Variants in COP1 observed in about 807,000 individuals in gnomAD.
COP1 encodes COP1 E3 ubiquitin ligase, also known as E3 ubiquitin-protein ligase COP1.
In COP1, 24 loss-of-function variants were observed where a neutral mutation model predicts 101.3. The ratio of observed to expected loss-of-function variants is 0.24; its 90% CI spans 0.17 to 0.33. The LOEUF (loss-of-function observed/expected upper bound fraction) is 0.33, where lower values mean the gene tolerates loss of function less well. COP1 is among the 10% of genes least tolerant of loss of function. COP1 has a pLI of 1.00. For synonymous variants in COP1, 347 were observed against 341.9 expected, an observed-to-expected ratio of 1.01 and a Z score of -0.17; for missense variants, 663 against 906.2, an observed-to-expected ratio of 0.73 and a Z score of 3.45.
intron 1 of COP1, among the ~76,000 whole-genome samples, chr1:176,187,491 C>G (rs1698620418): frequency 6.6e-6 from 1 of 152,084 alleles, no homozygotes; most frequent in African/African-American, 2.4e-5. Context: ...TGGAGCGATT[C>G]TCCCACTCTG....
chr1:176,110,431 T>C (rs1046832794), intron 9 of COP1, among the ~76,000 whole-genome samples: 3 of 152,220 alleles, frequency 2.0e-5, no homozygotes, highest in African/African-American at 7.2e-5. Context: ...AGGGATTATT[T>C]ACTTCTTGTT....
At chr1:176,171,052 C>A (rs1488774550) in intron 3 of COP1, among the ~76,000 whole-genome samples, 1 of 132,250 alleles carries the variant, frequency 7.6e-6, no homozygotes, top group Non-Finnish European at 1.5e-5. Flanking sequence ...ATGATCCCAG[C>A]AGGTGGAGCT....
intron 8 of COP1, among the ~76,000 whole-genome samples, chr1:176,124,427 A>T (rs1687689583): frequency 8.2e-6 from 1 of 122,234 alleles, no homozygotes; most frequent in Non-Finnish European, 1.6e-5. Context: ...GCCCCGTACT[A>T]CCCCTTTCCC....
At chr1:176,097,269 C>T (rs995777230) in intron 9 of COP1, among the ~76,000 whole-genome samples, 1 of 151,796 alleles carries the variant, frequency 6.6e-6, no homozygotes, top group Admixed American at 6.6e-5. Context: ...TTTTCCTTGC[C>T]ACTCTCAATG....
intron 5 of COP1, among the ~76,000 whole-genome samples, chr1:176,156,652 A>G (rs1693498750): frequency 6.6e-6 from 1 of 152,180 alleles, no homozygotes; most frequent in African/African-American, 2.4e-5. Context: ...TGGCTCTATC[A>G]GTATCAGACA....
chr1:176,201,007 G>C (rs559024794), intron 1 of COP1, among the ~76,000 whole-genome samples: 101 of 152,136 alleles, frequency 6.6e-4, no homozygotes, highest in Non-Finnish European at 1.1e-3. Context: ...CATTTTATTT[G>C]GTATACAGGT....
At chr1:176,036,720 T>A (rs1286864098) in intron 14 of COP1, among the ~76,000 whole-genome samples, 1 of 152,212 alleles carries the variant, frequency 6.6e-6, no homozygotes, top group Non-Finnish European at 1.5e-5. Flanking sequence ...CTTACCTGTA[T>A]TATTCAACAT....
chr1:176,206,404 CAGG>C (rs1700855872), intron 1 of COP1, 165 bp downstream of exon 1: 1 of 686,054 alleles, frequency 1.5e-6, no homozygotes, highest in Non-Finnish European at 2.4e-6. Context: ...CCCCACCAAC[CAGG>C]AGCTCGAATG....
At chr1:176,048,943 C>T (rs1040195097) in intron 11 of COP1, among the ~76,000 whole-genome samples, 40 of 151,010 alleles carry the variant, frequency 2.6e-4, no homozygotes, top group Non-Finnish European at 2.9e-4. Context: ...GAGGCCGAGG[C>T]GGGTGGATCA....
chr1:176,007,181 G>GT (rs1276030753), intron 15 of COP1, among the ~76,000 whole-genome samples: 79 of 152,108 alleles, frequency 5.2e-4, no homozygotes, highest in South Asian at 8.3e-4. Flanking sequence ...TCGAGCCTTG[G>GT]TTTTCAGCTC....
chr1:176,026,293 C>T (rs1667644975), intron 15 of COP1, among the ~76,000 whole-genome samples: 1 of 151,764 alleles, frequency 6.6e-6, no homozygotes, highest in South Asian at 2.1e-4. Flanking sequence ...AGAACATACA[C>T]TCAAACTCAA....
At position 176,174,448 on chromosome 1, in the gene COP1, A is replaced by C. The variant is rs531410413; in HGVS notation, c.565+1462T>G. ...TGTTCTTTTCCTAAGTTCCTTCTCCAAGTTTGCCATAAAACTTTAGCCACT... is the reference window on the plus strand; with the variant it reads ...TGTTCTTTTCCTAAGTTCCTTCTCCCAGTTTGCCATAAAACTTTAGCCACT... On this transcript the variant is annotated intron_variant, in intron 3 of 19. Coordinates refer to ENST00000367669, the MANE Select transcript of COP1 (RefSeq NM_022457.7). Among the ~76,000 whole-genome samples the C allele has an allele frequency of 3.9e-5, 6 of 152,254 alleles. 1 individual carries two copies. The South Asian group carries it at 1.2e-3, about 32-fold the overall frequency.
At chr1:176,102,827 T>C (rs1294684735) in intron 9 of COP1, among the ~76,000 whole-genome samples, 1 of 152,174 alleles carries the variant, frequency 6.6e-6, no homozygotes, top group Non-Finnish European at 1.5e-5. Context: ...CCCAGATAGA[T>C]TAACTGGCTC....
chr1:175,976,202 T>C (rs966972747), intron 18 of COP1, among the ~76,000 whole-genome samples: 4 of 151,260 alleles, frequency 2.6e-5, no homozygotes, highest in East Asian at 3.9e-4. Flanking sequence ...ACTATTTTAT[T>C]CTGTTCAGAA....
At chr1:176,059,837 G>C (rs1382884614) in intron 11 of COP1, among the ~76,000 whole-genome samples, 1 of 152,034 alleles carries the variant, frequency 6.6e-6, no homozygotes, top group Non-Finnish European at 1.5e-5. Context: ...ATGAACACTA[G>C]AATCTGAATT....
At chr1:175,984,562 C>T (rs1010955484) in intron 18 of COP1, among the ~76,000 whole-genome samples, 2 of 152,186 alleles carry the variant, frequency 1.3e-5, no homozygotes, top group African/African-American at 4.8e-5. Context: ...CCTACTGGGG[C>T]ACCACCTATG....
chr1:176,151,389 GAAAGAAAGAA>G lies in COP1; in HGVS notation c.763-2325_763-2316del, dbSNP rs1399422927. ...AGAAAGAAAGAAAGAAAGAAAGAAA[GAAAGAAAGAA>G]AGAAAGAAAGAAAGAAAGAAACATA... is the stretch of plus-strand genomic sequence containing the variant. On this transcript the variant is annotated intron_variant, in intron 5 of 19. Transcript: ENST00000367669. Among the ~76,000 whole-genome samples the G allele has an allele frequency of 5.7e-5, 7 of 122,134 alleles. 1 individual carries two copies. Among genetic ancestry groups the G allele is most frequent in the Admixed American group, 4.5e-4 (6 of 13,198 alleles). The allele number at this position is 122,134 out of a possible 152,430, so 80.1% of individuals were successfully genotyped here.
At chr1:176,187,353 T>C (rs756177417) in intron 1 of COP1, among the ~76,000 whole-genome samples, 1 of 151,982 alleles carries the variant, frequency 6.6e-6, no homozygotes, top group African/African-American at 2.4e-5. Flanking sequence ...CACATATATA[T>C]ACACATATAT....
At chr1:176,173,935 C>T (rs913551285) in intron 3 of COP1, among the ~76,000 whole-genome samples, 1 of 131,224 alleles carries the variant, frequency 7.6e-6, no homozygotes, top group Non-Finnish European at 1.5e-5. Context: ...TGCAGTGAGC[C>T]GAGATCGTGC....
Sources: allele counts gnomAD v4.1 joint callset (sites outside exome capture counted in the v4.1 genomes callset), GRCh38; gene constraint gnomAD v4.1.1; transcripts MANE v1.5; gene names NCBI Gene and HGNC (gene_info 2026-07-23, HGNC 2026-07-21).